The following ARHGEF28 variants were observed in gnomAD, a reference collection of about 807,000 sequenced individuals.
The protein encoded by ARHGEF28 is 190 kDa guanine nucleotide exchange factor.
ARHGEF28 carries 152 observed loss-of-function variants against 206.6 expected under a neutral mutation model. The ratio of observed to expected loss-of-function variants is 0.74; its 90% CI spans 0.64 to 0.84. ARHGEF28 has a LOEUF of 0.84. ARHGEF28 is among the 40% of genes least tolerant of loss of function. ARHGEF28 has a pLI of 0.00. For missense variants in ARHGEF28, 2,028 were observed against 2,073.2 expected, an observed-to-expected ratio of 0.98 and a Z score of 0.42; for synonymous variants, 763 against 776.4, an observed-to-expected ratio of 0.98 and a Z score of 0.29.
intron 9 of ARHGEF28, among the ~76,000 whole-genome samples, chr5:73,810,388 A>G (rs1755774287): frequency 6.6e-6 from 1 of 152,218 alleles, no homozygotes; most frequent in Non-Finnish European, 1.5e-5. Flanking sequence ...CAAGGACTGC[A>G]TTTGGAAGAA....
Position 73,794,443 on chromosome 5 carries a change from G to A in ARHGEF28, c.952G>A (p.Glu318Lys). 2.5e-6 allele frequency: 4 copies of A among 1,601,622 alleles called. No individual in the cohort carries two copies. The highest frequency in any genetic ancestry group is 3.4e-6 in the Non-Finnish European group (4 of 1,172,548). Reference protein sequence around the residue: ...SVSSRSAAEKEDIKRVKSLVV... With the variant: ...SVSSRSAAEKKDIKRVKSLVV... ...GTCCAGCAGATCAGCAGCTGAAAAG[G>A]AAGATATAAAGGTAATGAATGACTC... Residue 318 changes from glutamate to lysine, a missense_variant, in exon 8 of 36, where the codon GAA becomes AAA. By Grantham distance (56) the Glu-to-Lys change is moderately conservative (BLOSUM62 1). Transcript: ENST00000513042.
chr5:73,940,774 C>G, intron 35 of ARHGEF28, 70 bp from the exon 36 acceptor site: 1 of 1,298,386 alleles, frequency 7.7e-7, no homozygotes, highest in Non-Finnish European at 9.8e-7. Flanking sequence ...TTAGAGAGCT[C>G]TAACGCCAAG....
Position 73,840,675 on chromosome 5 carries a change from C to T in ARHGEF28, c.1342C>T (p.Pro448Ser). Residue 448 changes from proline to serine, a missense_variant, in exon 11 of 36, where the codon CCA becomes TCA. Around this residue, in one of 3 missense-constraint regions of ARHGEF28, gnomAD observed 1,002 missense variants for 1,015.3 expected, o/e 0.99. Transcript: ENST00000513042. ...HTEAQQSFMS[P>S]SSSCASNLNL... ...TGAAGCCCAGCAGTCCTTCATGTCA[C>T]CATCAAGTTCGTGTGCTTCCAACTT... is the stretch of plus-strand genomic sequence containing the variant. The T allele has an allele frequency of 6.2e-7, 1 of 1,613,412 alleles. No individual in the cohort carries two copies. Among genetic ancestry groups the T allele is most frequent in the East Asian group, 2.2e-5 (1 of 44,860 alleles).
At chr5:73,656,813 A>G (rs942953136) in intron 1 of ARHGEF28, among the ~76,000 whole-genome samples, 2 of 152,056 alleles carry the variant, frequency 1.3e-5, no homozygotes, top group African/African-American at 4.8e-5. Context: ...CTGTGTCTTC[A>G]TCTTCTATTA....
At chr5:73,650,117 A>G (rs908709654) in intron 1 of ARHGEF28, among the ~76,000 whole-genome samples, 3 of 152,108 alleles carry the variant, frequency 2.0e-5, no homozygotes, top group Admixed American at 6.5e-5. Context: ...ACGGCTAAAC[A>G]TGCTGCTTAG....
chr5:73,708,731 T>C (rs533978514), intron 2 of ARHGEF28, among the ~76,000 whole-genome samples: 44 of 152,340 alleles, frequency 2.9e-4, no homozygotes, highest in African/African-American at 1.0e-3. Context: ...TACTCAGCAA[T>C]AAGATTGCTG....
intron 1 of ARHGEF28, among the ~76,000 whole-genome samples, chr5:73,678,395 T>C (rs1226136363): frequency 6.6e-6 from 1 of 152,190 alleles, no homozygotes; most frequent in Non-Finnish European, 1.5e-5. Context: ...GGTAGAGTAA[T>C]GAATAATGAA....
chr5:73,771,838 A>G (rs1429397698), intron 4 of ARHGEF28, among the ~76,000 whole-genome samples: 7 of 152,214 alleles, frequency 4.6e-5, no homozygotes, highest in Non-Finnish European at 8.8e-5. Flanking sequence ...TAAGTTCTCT[A>G]ATAGCTAACA....
At chr5:73,654,675 G>T (rs761627782) in intron 1 of ARHGEF28, among the ~76,000 whole-genome samples, 6 of 152,198 alleles carry the variant, frequency 3.9e-5, no homozygotes, top group Non-Finnish European at 5.9e-5. Context: ...GAACACAGTG[G>T]CATAATTATG....
intron 6 of ARHGEF28, among the ~76,000 whole-genome samples, chr5:73,778,857 T>C (rs920117818): frequency 2.0e-5 from 3 of 152,232 alleles, no homozygotes; most frequent in African/African-American, 4.8e-5. Flanking sequence ...TCCTGCTTTA[T>C]TGAATCTTAT....
Position 73,813,910 on chromosome 5 carries a change from T to TTAA in ARHGEF28, c.1025-18428_1025-18427insTAA, listed in dbSNP as rs1430482545. ...GTTATTATGTATGTGCAATTCTCTT[T>TTAA]AAAAAAAAAAAAAAAAAGAAGGGAG... is the stretch of plus-strand genomic sequence containing the variant. On this transcript the variant is annotated intron_variant, in intron 9 of 35. Coordinates refer to ENST00000513042, the MANE Select transcript of ARHGEF28 (RefSeq NM_001177693.2). 1.2e-3 allele frequency among the ~76,000 whole-genome samples: 167 copies of TTAA among 138,778 alleles called. 4 individuals are homozygous for TTAA. The East Asian group carries it at 0.031, about 25-fold the overall frequency. 91.0% of individuals were successfully genotyped at this position (138,778 alleles called of 152,430 possible).
In ARHGEF28 at chr5:73,868,231, A is replaced by G; in HGVS notation, c.2425+4A>G. 1 of 1,569,376 alleles carries G rather than the reference A, an allele frequency of 6.4e-7. No individual in the cohort carries two copies. The highest frequency in any genetic ancestry group is 2.3e-5 in the East Asian group (1 of 43,350). On this transcript the variant is annotated splice_donor_region_variant and intron_variant, in intron 20 of 35. Transcript: ENST00000513042. Reference sequence around the variant, plus strand: ...ACAGAGTCTTTCATAATGGAAGGTGAGGAGAAGACACACTTCCATTTATTT... The same window carrying G: ...ACAGAGTCTTTCATAATGGAAGGTGGGGAGAAGACACACTTCCATTTATTT...
intron 1 of ARHGEF28, among the ~76,000 whole-genome samples, chr5:73,673,559 C>A (rs925294821): frequency 6.6e-6 from 1 of 152,152 alleles, no homozygotes; most frequent in Non-Finnish European, 1.5e-5. Flanking sequence ...ATTTCAGACC[C>A]TCCTGGCCCC....
At chr5:73,720,840 G>C (rs1006653611) in intron 2 of ARHGEF28, among the ~76,000 whole-genome samples, 1 of 152,128 alleles carries the variant, frequency 6.6e-6, no homozygotes, top group Non-Finnish European at 1.5e-5. Context: ...CCAGCTCTGA[G>C]AAAAATCAAA....
chr5:73,822,719 C>T (rs1470944489), intron 9 of ARHGEF28, among the ~76,000 whole-genome samples: 1 of 152,142 alleles, frequency 6.6e-6, no homozygotes, highest in African/African-American at 2.4e-5. Flanking sequence ...AACTGCTGAG[C>T]TCAAGTGATC....
At chr5:73,817,001 A>G (rs527552406) in intron 9 of ARHGEF28, among the ~76,000 whole-genome samples, 20 of 152,320 alleles carry the variant, frequency 1.3e-4, no homozygotes, top group Admixed American at 3.3e-4. Flanking sequence ...AGATTCAATC[A>G]AGAAATGTAT....
In ARHGEF28 at chr5:73,780,632, G is replaced by A. The variant is rs11949860; in HGVS notation, c.841-44G>A. On this transcript the variant is annotated intron_variant, in intron 6 of 35. Coordinates refer to ENST00000513042, the MANE Select transcript of ARHGEF28 (RefSeq NM_001177693.2). The stretch of plus-strand genomic sequence containing the variant: ...TGTTGTATATCTGGAACCTCAAATG[G>A]TTTTCTGTGCTTTTTTGTTTTTTTT... 676,333 of 1,523,886 alleles carry A rather than the reference G, an allele frequency of 0.44. 151,795 individuals carry two copies. The highest frequency in any genetic ancestry group is 0.46 in the Non-Finnish European group (521,081 of 1,128,584). The allele number at this position is 1,523,886 out of a possible 1,614,324, so 94.4% of individuals were successfully genotyped here. A position where few individuals can be genotyped will look rare whatever the true frequency, so the allele number is the denominator to read the frequency against.
chr5:73,682,835 G>A (rs1206166414), intron 1 of ARHGEF28, among the ~76,000 whole-genome samples: 1 of 152,238 alleles, frequency 6.6e-6, no homozygotes, highest in Admixed American at 6.5e-5. Flanking sequence ...CTGAACCTGG[G>A]AGGCGGAGGT....
At chr5:73,758,906 G>T (rs893144650) in intron 4 of ARHGEF28, among the ~76,000 whole-genome samples, 2 of 152,210 alleles carry the variant, frequency 1.3e-5, no homozygotes, top group African/African-American at 4.8e-5. Flanking sequence ...GTATTACCTG[G>T]CAGATTGCTT....
Sources: gnomAD v4.1 joint callset for allele counts (sites outside exome capture counted in the v4.1 genomes callset) on GRCh38, gnomAD v4.1.1 for gene constraint, gnomAD v4.1.1 regional missense constraint, MANE v1.5 for transcripts, NCBI Gene and HGNC (gene_info 2026-07-23, HGNC 2026-07-21) for gene names.